Variants in UBE2K observed in about 807,000 individuals in gnomAD.
The protein encoded by UBE2K is ubiquitin conjugating enzyme E2 K.
A neutral mutation model predicts 30.0 loss-of-function variants in UBE2K; 6 were observed. The ratio of observed to expected loss-of-function variants is 0.20; its 90% CI spans 0.11 to 0.39. The LOEUF is 0.39. Ranked by LOEUF, UBE2K falls within the 10% of genes least tolerant of loss-of-function variation. UBE2K has a pLI of 1.00. For missense variants in UBE2K, 61 were observed against 241.6 expected (o/e 0.25, Z 4.96); for synonymous variants, 86 against 83.7 (o/e 1.03, Z -0.15).
chr4:39,748,517 C>T (rs1313874691), intron 3 of UBE2K, among the ~76,000 whole-genome samples: 1 of 151,944 alleles, frequency 6.6e-6, no homozygotes, highest in Non-Finnish European at 1.5e-5. Flanking sequence ...TGGTGGCTCA[C>T]GCCTATAATC....
intron 1 of UBE2K, among the ~76,000 whole-genome samples, chr4:39,703,032 C>T (rs1718122864): frequency 6.6e-6 from 1 of 151,968 alleles, no homozygotes; most frequent in African/African-American, 2.4e-5. Flanking sequence ...CTTGCTCAGT[C>T]ACCCAGGCTG....
At chr4:39,753,937 A>G (rs1721399239) in intron 3 of UBE2K, among the ~76,000 whole-genome samples, 1 of 152,182 alleles carries the variant, frequency 6.6e-6, no homozygotes, top group Non-Finnish European at 1.5e-5. Context: ...CCTGGCCAAC[A>G]TGGCGAAACC....
chr4:39,714,752 T>C (rs1473386094), intron 1 of UBE2K, among the ~76,000 whole-genome samples: 3 of 150,718 alleles, frequency 2.0e-5, no homozygotes, highest in Admixed American at 1.3e-4. Context: ...GGTTTTACCA[T>C]GTTGGCCAGG....
At chr4:39,759,362 C>CG (rs1277058907) in intron 4 of UBE2K, among the ~76,000 whole-genome samples, 1 of 152,132 alleles carries the variant, frequency 6.6e-6, no homozygotes, top group Admixed American at 6.5e-5. Context: ...CTGCAACCTC[C>CG]GCCTCCCGGG....
At chr4:39,717,834 T>C (rs570379459) in intron 1 of UBE2K, among the ~76,000 whole-genome samples, 1 of 151,746 alleles carries the variant, frequency 6.6e-6, no homozygotes, top group East Asian at 1.9e-4. Flanking sequence ...TCTCGCTGGC[T>C]CAGGAGTGAA....
rs1415395296 is a variant in UBE2K at position 39,780,567 on chromosome 4, C to G, written c.*2133C>G. ...CCTATAGGGTTATATACTCATCTAA[C>G]TACACTTCAGCATCCCCAGTGCCCA... is the stretch of plus-strand genomic sequence containing the variant. On this transcript the variant is annotated 3_prime_UTR_variant, in exon 7 of 7. Coordinates refer to ENST00000261427, the MANE Select transcript of UBE2K (RefSeq NM_005339.5). 1 of 152,104 alleles carries G rather than the reference C, an allele frequency of 6.6e-6. No individual in the cohort carries two copies. Among genetic ancestry groups the G allele is most frequent in the Non-Finnish European group, 1.5e-5 (1 of 67,962 alleles). The allele number at this position is 152,104 out of a possible 1,614,324, so 9.4% of individuals were successfully genotyped here.
At chr4:39,766,115 A>G (rs1578497042) in intron 4 of UBE2K, among the ~76,000 whole-genome samples, 1 of 151,958 alleles carries the variant, frequency 6.6e-6, no homozygotes, top group Non-Finnish European at 1.5e-5. Flanking sequence ...ATGTATACCC[A>G]TAAGTGGAAT....
At chr4:39,703,981 TTTTAAG>T (rs1240689345) in intron 1 of UBE2K, among the ~76,000 whole-genome samples, 1 of 152,052 alleles carries the variant, frequency 6.6e-6, no homozygotes, top group East Asian at 1.9e-4. Flanking sequence ...TTTTTAAAAC[TTTTAAG>T]TTTGTTTCCC....
At chr4:39,762,739 A>C (rs576407642) in intron 4 of UBE2K, among the ~76,000 whole-genome samples, 1 of 151,928 alleles carries the variant, frequency 6.6e-6, no homozygotes, top group East Asian at 1.9e-4. Flanking sequence ...GGTTCAAGCG[A>C]TTCTCCTGCC....
intron 4 of UBE2K, among the ~76,000 whole-genome samples, chr4:39,766,283 C>T (rs1218684973): frequency 6.6e-6 from 1 of 152,084 alleles, no homozygotes; most frequent in African/African-American, 2.4e-5. Flanking sequence ...CATTTCTCCA[C>T]AACCTGGCTA....
rs115804148 is a variant in UBE2K, at chr4:39,702,118, A to T, written c.63+3728A>T. Among the ~76,000 whole-genome samples, 1,140 of 152,232 alleles carry T rather than the reference A, an allele frequency of 7.5e-3. 15 individuals are homozygous for T. Among genetic ancestry groups the T allele is most frequent in the African/African-American group, 0.026 (1,080 of 41,550 alleles). On this transcript the variant is annotated intron_variant, in intron 1 of 6. Transcript: ENST00000261427. ...TTAAAATTTGAAACTTAATGAAATA[A>T]AACACCCTTAAATCAGTGCACTCTC...
At chr4:39,763,920 C>G (rs758919514) in intron 4 of UBE2K, among the ~76,000 whole-genome samples, 1 of 151,914 alleles carries the variant, frequency 6.6e-6, no homozygotes, top group South Asian at 2.1e-4. Flanking sequence ...TTTGTAGAGA[C>G]AGAGTTTCAC....
chr4:39,704,844 T>C (rs2109304048), intron 1 of UBE2K, among the ~76,000 whole-genome samples: 1 of 149,610 alleles, frequency 6.7e-6, no homozygotes, highest in South Asian at 2.1e-4. Flanking sequence ...GCTTGGCCTG[T>C]CACCCCTTCT....
intron 4 of UBE2K, among the ~76,000 whole-genome samples, chr4:39,764,000 G>A (rs1712146161): frequency 6.6e-6 from 1 of 152,186 alleles, no homozygotes; most frequent in East Asian, 1.9e-4. Flanking sequence ...CCAAAGTGCT[G>A]AGACTGCAGG....
chr4:39,726,408 C>T (rs1293450688), intron 1 of UBE2K, among the ~76,000 whole-genome samples: 11 of 151,564 alleles, frequency 7.3e-5, no homozygotes, highest in Admixed American at 3.9e-4. Context: ...TTTGTAGAGA[C>T]GGAGATCTCA....
At chr4:39,757,017 T>A in intron 4 of UBE2K, among the ~76,000 whole-genome samples, 1 of 103,330 alleles carries the variant, frequency 9.7e-6, no homozygotes, top group South Asian at 3.4e-4. Context: ...TTTTGTTTTT[T>A]GTTTTTTGTT....
intron 1 of UBE2K, among the ~76,000 whole-genome samples, chr4:39,719,797 TTTTGTTGTATAGAATA>T (rs1560347183): frequency 6.6e-6 from 1 of 152,200 alleles, no homozygotes; most frequent in African/African-American, 2.4e-5. Context: ...GTGACTTAGT[TTTTGTTGTATAGAATA>T]TAGCACAGTT....
intron 1 of UBE2K, among the ~76,000 whole-genome samples, chr4:39,701,382 CTGT>C (rs754044594): frequency 6.6e-6 from 1 of 152,122 alleles, no homozygotes; most frequent in East Asian, 1.9e-4. Context: ...GTTATTGCTG[CTGT>C]TAATAACTAG....
intron 2 of UBE2K, among the ~76,000 whole-genome samples, chr4:39,739,059 G>A (rs955887086): frequency 2.7e-4 from 39 of 145,322 alleles, no homozygotes; most frequent in African/African-American, 8.2e-4. Flanking sequence ...ATGGAGTCTC[G>A]CTCTGTTGCC....
Sources: allele counts gnomAD v4.1 joint callset (sites outside exome capture counted in the v4.1 genomes callset), GRCh38; gene constraint gnomAD v4.1.1; transcripts MANE v1.5; gene names NCBI Gene and HGNC (gene_info 2026-07-23, HGNC 2026-07-21).